CNTN4: variants seen among roughly 807,000 people sequenced by gnomAD.
The protein encoded by CNTN4 is contactin-4.
In CNTN4, 77 loss-of-function variants were observed where a neutral mutation model predicts 122.5. The observed-to-expected ratio is 0.63, with a 90% CI of 0.52 to 0.76. CNTN4 has a LOEUF of 0.76. Ranked by LOEUF, CNTN4 falls within the 30% of genes least tolerant of loss-of-function variation. The pLI is 0.00. For synonymous variants in CNTN4, 512 were observed against 447.0 expected, an observed-to-expected ratio of 1.15 and a Z score of -1.83; for missense variants, 1,256 against 1,259.1, an observed-to-expected ratio of 1.00 and a Z score of 0.04.
chr3:2,135,652 G>A (rs2034657137), intron 2 of CNTN4, among the ~76,000 whole-genome samples: 1 of 152,108 alleles, frequency 6.6e-6, no homozygotes, highest in African/African-American at 2.4e-5. Flanking sequence ...GGGAAAGTGT[G>A]GAAATGGGGC....
intron 2 of CNTN4, among the ~76,000 whole-genome samples, chr3:2,270,815 A>G (rs970651746): frequency 1.3e-5 from 2 of 151,990 alleles, no homozygotes; most frequent in South Asian, 2.1e-4. Context: ...CTTCTATTCC[A>G]CTCATTTCTT....
chr3:2,415,961 G>A (rs1395203629), intron 3 of CNTN4, among the ~76,000 whole-genome samples: 2 of 151,932 alleles, frequency 1.3e-5, no homozygotes, highest in African/African-American at 4.8e-5. Context: ...CTTAACTACC[G>A]GGCAGATTTC....
At chr3:2,986,712 G>A (rs985671864) in intron 13 of CNTN4, among the ~76,000 whole-genome samples, 1 of 152,182 alleles carries the variant, frequency 6.6e-6, no homozygotes, top group African/African-American at 2.4e-5. Context: ...TAGCACTAGT[G>A]CCAAGTGGTT....
intron 3 of CNTN4, among the ~76,000 whole-genome samples, chr3:2,448,521 T>C (rs1359673689): frequency 6.6e-6 from 1 of 152,110 alleles, no homozygotes; most frequent in Non-Finnish European, 1.5e-5. Context: ...CCCCAGGATC[T>C]AAATTGAACA....
In CNTN4 at chr3:2,841,245, AC is replaced by A. The variant is rs2093356793; in HGVS notation, c.454+21667del. 6.6e-6 allele frequency among the ~76,000 whole-genome samples: 1 copy of A among 152,126 alleles called. No homozygotes were observed. The highest frequency in any genetic ancestry group is 2.4e-5 in the African/African-American group (1 of 41,434). On this transcript the variant is annotated intron_variant, in intron 7 of 24. Transcript: ENST00000418658. This position sits in a 1 kb window ranked among gnomAD's most constrained non-coding sequence, Gnocchi z 4.8. ...ACAGCTGGGTGGATTTTAACTTTTA[AC>A]CCAGTTTTTCAGATGTGTTAATATA...
intron 4 of CNTN4, among the ~76,000 whole-genome samples, chr3:2,588,023 A>G (rs1213716951): frequency 6.6e-6 from 1 of 152,028 alleles, no homozygotes; most frequent in Non-Finnish European, 1.5e-5. Flanking sequence ...ATTTTTGTCC[A>G]ATCTCTACGC....
At chr3:3,018,488 T>C (rs1343758898) in intron 14 of CNTN4, among the ~76,000 whole-genome samples, 5 of 151,740 alleles carry the variant, frequency 3.3e-5, no homozygotes, top group Non-Finnish European at 7.4e-5. Context: ...TCACAGTGAG[T>C]GAGGATGCAG....
chr3:2,704,126 G>A (rs182480142), intron 4 of CNTN4, among the ~76,000 whole-genome samples: 4 of 151,350 alleles, frequency 2.6e-5, no homozygotes, highest in Admixed American at 1.3e-4. Context: ...GTGAAACCCC[G>A]TCTCTACTAA....
chr3:2,715,997 T>TCTGTCA (rs1459418630), intron 4 of CNTN4, among the ~76,000 whole-genome samples: 1 of 152,152 alleles, frequency 6.6e-6, no homozygotes, highest in African/African-American at 2.4e-5. Flanking sequence ...AGGGTCTCAC[T>TCTGTCA]CTGTCACCCA....
chr3:2,194,642 C>G (rs11716909), intron 2 of CNTN4, among the ~76,000 whole-genome samples: 20,239 of 151,980 alleles, frequency 0.13, 1,485 homozygotes, highest in East Asian at 0.26. Context: ...TAATGTCATA[C>G]TGGAGTAGGG....
At chr3:2,172,052 C>G (rs1168960142) in intron 2 of CNTN4, among the ~76,000 whole-genome samples, 1 of 152,216 alleles carries the variant, frequency 6.6e-6, no homozygotes, top group African/African-American at 2.4e-5. Context: ...AGAACCACTG[C>G]TCTGCTGCAT....
chr3:2,767,409 G>C (rs1046547166), intron 6 of CNTN4, among the ~76,000 whole-genome samples: 7 of 152,262 alleles, frequency 4.6e-5, no homozygotes, highest in African/African-American at 1.4e-4. Flanking sequence ...TGCTTTTTGT[G>C]ATTGATTTTT....
chr3:2,580,537 A>T (rs548115396), intron 4 of CNTN4, among the ~76,000 whole-genome samples: 1 of 152,202 alleles, frequency 6.6e-6, no homozygotes, highest in Non-Finnish European at 1.5e-5. Context: ...ATTTTCCACC[A>T]TAATCTTCCA....
At chr3:2,679,267 A>G (rs1317218379) in intron 4 of CNTN4, among the ~76,000 whole-genome samples, 1 of 152,202 alleles carries the variant, frequency 6.6e-6, no homozygotes, top group South Asian at 2.1e-4. Context: ...TTTTCTGCAC[A>G]CACATTGATG....
chr3:2,940,223 G>A lies in CNTN4; in HGVS notation c.1358+14444G>A, dbSNP rs893073317. On this transcript the variant is annotated intron_variant, in intron 13 of 24. Transcript: ENST00000418658. The stretch of plus-strand genomic sequence containing the variant: ...AAGAGAAAAAGAAACAGAAAAAGTT[G>A]TCAGAAAGCTAAACGGAGAACCACG... 5.9e-5 allele frequency among the ~76,000 whole-genome samples: 9 copies of A among 152,228 alleles called. No homozygotes were observed. In the East Asian group the frequency reaches 1.7e-3, roughly 29 times the overall value.
At chr3:3,049,025 C>T (rs1700977126) in intron 23 of CNTN4, among the ~76,000 whole-genome samples, 1 of 152,184 alleles carries the variant, frequency 6.6e-6, no homozygotes, top group Non-Finnish European at 1.5e-5. Flanking sequence ...TCAGTCCATT[C>T]AGAAACTACT....
intron 3 of CNTN4, among the ~76,000 whole-genome samples, chr3:2,505,383 T>TA (rs1013395795): frequency 2.0e-5 from 3 of 152,108 alleles, no homozygotes; most frequent in African/African-American, 7.2e-5. Flanking sequence ...TTGAAATTTT[T>TA]AAAAAAATAT....
intron 4 of CNTN4, among the ~76,000 whole-genome samples, chr3:2,717,767 C>G (rs1201692571): frequency 7.1e-6 from 1 of 141,084 alleles, no homozygotes; most frequent in African/African-American, 2.7e-5. Flanking sequence ...AACATTTGAG[C>G]CTTCTGACTT....
intron 4 of CNTN4, among the ~76,000 whole-genome samples, chr3:2,599,142 G>A (rs763915747): frequency 2.8e-4 from 43 of 152,242 alleles, no homozygotes; most frequent in Admixed American, 3.9e-4. Flanking sequence ...AGAGATTAGC[G>A]TGTATCCACA....
Sources: allele counts gnomAD v4.1 joint callset (sites outside exome capture counted in the v4.1 genomes callset), GRCh38; gene constraint gnomAD v4.1.1; non-coding constraint Gnocchi (gnomAD v3.1); transcripts MANE v1.5; gene names NCBI Gene and HGNC (gene_info 2026-07-23, HGNC 2026-07-21).